ZCCHC17: variants seen among roughly 807,000 people sequenced by gnomAD.
ZCCHC17 encodes the protein zinc finger CCHC domain-containing protein 17.
ZCCHC17 carries 18 observed loss-of-function variants against 30.6 expected under a neutral mutation model. That is an observed-to-expected ratio of 0.59 (90% CI 0.41 to 0.87). The LOEUF (loss-of-function observed/expected upper bound fraction) is 0.87. ZCCHC17 is among the 40% of genes least tolerant of loss of function. The probability of loss-of-function intolerance (pLI) is 0.00; values close to 1 mark genes in which losing one functional copy is unlikely to be tolerated. For synonymous variants in ZCCHC17, 88 were observed against 92.4 expected (o/e 0.95, Z 0.27); for missense variants, 263 against 284.2 (o/e 0.93, Z 0.54).
intron 7 of ZCCHC17, among the ~76,000 whole-genome samples, chr1:31,350,761 G>A (rs886301297): frequency 5.9e-5 from 9 of 151,908 alleles, no homozygotes; most frequent in Admixed American, 3.9e-4. Flanking sequence ...CACCATGCCC[G>A]GCTAATTTTT....
chr1:31,357,582 C>T (rs1295594837), intron 7 of ZCCHC17, among the ~76,000 whole-genome samples: 9 of 152,006 alleles, frequency 5.9e-5, no homozygotes, highest in East Asian at 1.9e-4. Context: ...TGGATGGGGT[C>T]GATTGACACA....
At chr1:31,360,874 CTAT>C (rs1441094025) in intron 7 of ZCCHC17, among the ~76,000 whole-genome samples, 1 of 152,146 alleles carries the variant, frequency 6.6e-6, no homozygotes, top group Non-Finnish European at 1.5e-5. Flanking sequence ...ACTCTACAGA[CTAT>C]TATTGTAAGA....
chr1:31,334,877 A>G (rs1462609246), intron 3 of ZCCHC17, among the ~76,000 whole-genome samples: 1 of 152,178 alleles, frequency 6.6e-6, no homozygotes, highest in Non-Finnish European at 1.5e-5. Flanking sequence ...TACATTGAAT[A>G]TTTTGATGTA....
At chr1:31,336,093 A>T (rs552062272) in intron 3 of ZCCHC17, among the ~76,000 whole-genome samples, 2 of 151,904 alleles carry the variant, frequency 1.3e-5, no homozygotes, top group South Asian at 4.2e-4. Context: ...TATTTGTGAG[A>T]TGGGGGTCTT....
chr1:31,361,085 T>A (rs1381398048), intron 7 of ZCCHC17, among the ~76,000 whole-genome samples: 1 of 152,170 alleles, frequency 6.6e-6, no homozygotes, highest in African/African-American at 2.4e-5. Flanking sequence ...CCATAATATC[T>A]TGTGATGGAC....
At chr1:31,326,993 A>G (rs888786064) in intron 3 of ZCCHC17, among the ~76,000 whole-genome samples, 6 of 152,164 alleles carry the variant, frequency 3.9e-5, no homozygotes, top group African/African-American at 1.2e-4. Flanking sequence ...GGTTTCCCAG[A>G]TGTCATGTTC....
chr1:31,313,974 C>T (rs1475855106), intron 2 of ZCCHC17, among the ~76,000 whole-genome samples: 1 of 152,122 alleles, frequency 6.6e-6, no homozygotes, highest in Non-Finnish European at 1.5e-5. Context: ...AGTGATTCTC[C>T]TGCCTAAGCC....
At chr1:31,348,381 A>G (rs1229548487) in intron 6 of ZCCHC17, among the ~76,000 whole-genome samples, 1 of 152,072 alleles carries the variant, frequency 6.6e-6, no homozygotes, top group Non-Finnish European at 1.5e-5. Flanking sequence ...GTTAGCTTAG[A>G]TGTGAGTGCC....
intron 3 of ZCCHC17, among the ~76,000 whole-genome samples, chr1:31,336,117 G>A (rs1638809038): frequency 6.6e-6 from 1 of 152,068 alleles, no homozygotes. Context: ...CTGTCACCCA[G>A]GCTGGAGTGC....
intron 1 of ZCCHC17, among the ~76,000 whole-genome samples, chr1:31,307,469 G>A (rs1471666823): frequency 3.3e-5 from 5 of 151,134 alleles, no homozygotes; most frequent in Non-Finnish European, 5.9e-5. Context: ...GAGTGCAGTG[G>A]CCCAATCTTG....
At chr1:31,299,172 AGAG>A (rs1401508407) in intron 1 of ZCCHC17, among the ~76,000 whole-genome samples, 1 of 152,178 alleles carries the variant, frequency 6.6e-6, no homozygotes, top group Non-Finnish European at 1.5e-5. Context: ...CTGATTGTAA[AGAG>A]GAGGAGAGGA....
chr1:31,305,102 T>C (rs1646418890), intron 1 of ZCCHC17, among the ~76,000 whole-genome samples: 1 of 152,184 alleles, frequency 6.6e-6, no homozygotes, highest in Non-Finnish European at 1.5e-5. Flanking sequence ...GCCTAATTAC[T>C]GAGGAGAGGC....
intron 3 of ZCCHC17, among the ~76,000 whole-genome samples, chr1:31,334,300 T>C (rs1342443850): frequency 1.4e-5 from 2 of 141,238 alleles, no homozygotes; most frequent in South Asian, 2.3e-4. Flanking sequence ...GGCATCCATG[T>C]GCATCTCTCT....
chr1:31,348,495 A>G (rs1639354410), intron 6 of ZCCHC17, among the ~76,000 whole-genome samples: 1 of 152,200 alleles, frequency 6.6e-6, no homozygotes, highest in South Asian at 2.1e-4. Context: ...TTTGATTGTC[A>G]GGAATATGTT....
intron 3 of ZCCHC17, among the ~76,000 whole-genome samples, chr1:31,323,741 A>G (rs1052528628): frequency 6.6e-6 from 1 of 152,204 alleles, no homozygotes; most frequent in Non-Finnish European, 1.5e-5. Context: ...ACACTCCTAA[A>G]ATCTTTGAGA....
intron 3 of ZCCHC17, among the ~76,000 whole-genome samples, chr1:31,328,140 C>T (rs1638430790): frequency 6.6e-6 from 1 of 152,166 alleles, no homozygotes; most frequent in African/African-American, 2.4e-5. Context: ...GCAAAAGTTA[C>T]AGCAACAGTG....
intron 5 of ZCCHC17, among the ~76,000 whole-genome samples, chr1:31,341,244 A>G (rs1199502684): frequency 1.3e-5 from 2 of 152,262 alleles, no homozygotes; most frequent in East Asian, 3.8e-4. Flanking sequence ...ACTGTCAGTA[A>G]TAGTAGGAAT....
chr1:31,336,075 T>A (rs1638807471), intron 3 of ZCCHC17, among the ~76,000 whole-genome samples: 1 of 152,108 alleles, frequency 6.6e-6, no homozygotes, highest in South Asian at 2.1e-4. Flanking sequence ...TGTATGTATG[T>A]ATTTATTTAT....
At chr1:31,303,592 G>A (rs1056037996) in intron 1 of ZCCHC17, among the ~76,000 whole-genome samples, 1 of 152,142 alleles carries the variant, frequency 6.6e-6, no homozygotes, top group African/African-American at 2.4e-5. Context: ...ACTTTTCATT[G>A]CTTGGGGGAT....
Sources: gnomAD v4.1 joint callset for allele counts (sites outside exome capture counted in the v4.1 genomes callset) on GRCh38, gnomAD v4.1.1 for gene constraint, MANE v1.5 for transcripts, NCBI Gene and HGNC (gene_info 2026-07-23, HGNC 2026-07-21) for gene names.